GALNT18: variants seen among roughly 807,000 people sequenced by gnomAD.
GALNT18 encodes the protein polypeptide N-acetylgalactosaminyltransferase 18.
In GALNT18, 44 loss-of-function variants were observed where a neutral mutation model predicts 69.5. The ratio of observed to expected loss-of-function variants is 0.63; its 90% CI spans 0.50 to 0.81. GALNT18 has a LOEUF of 0.81. GALNT18 is among the 40% of genes least tolerant of loss of function. The pLI, the probability that GALNT18 is intolerant of heterozygous loss-of-function variation, is 0.00. For synonymous variants in GALNT18, 364 were observed against 318.2 expected (o/e 1.14, Z -1.53); for missense variants, 715 against 810.0 (o/e 0.88, Z 1.42).
intron 1 of GALNT18, among the ~76,000 whole-genome samples, chr11:11,450,259 G>A (rs1855762960): frequency 6.6e-6 from 1 of 152,210 alleles, no homozygotes; most frequent in African/African-American, 2.4e-5. Context: ...GTCAATGGGT[G>A]TATGACACAC....
intron 7 of GALNT18, among the ~76,000 whole-genome samples, chr11:11,333,041 G>A (rs1455543592): frequency 2.0e-5 from 3 of 151,564 alleles, no homozygotes; most frequent in South Asian, 2.1e-4. Flanking sequence ...CAGCATTGCC[G>A]GGCCTTGTCA....
chr11:11,392,538 G>C (rs1262156692), intron 3 of GALNT18, among the ~76,000 whole-genome samples: 1 of 152,202 alleles, frequency 6.6e-6, no homozygotes, highest in Non-Finnish European at 1.5e-5. Flanking sequence ...AGAATCGCTT[G>C]AACCCAGGAG....
At chr11:11,350,655 C>T (rs984498023) in intron 6 of GALNT18, among the ~76,000 whole-genome samples, 4 of 152,130 alleles carry the variant, frequency 2.6e-5, no homozygotes, top group Non-Finnish European at 5.9e-5. Context: ...GGGTGCAAAT[C>T]GATGAGATGA....
intron 1 of GALNT18, among the ~76,000 whole-genome samples, chr11:11,577,375 T>C (rs892018076): frequency 6.6e-6 from 1 of 152,166 alleles, no homozygotes; most frequent in African/African-American, 2.4e-5. Context: ...TGTCCAGCCC[T>C]GCTCCTGGGC....
chr11:11,599,811 T>C (rs767385947), intron 1 of GALNT18, among the ~76,000 whole-genome samples: 114 of 152,148 alleles, frequency 7.5e-4, no homozygotes, highest in Middle Eastern at 3.4e-3. Context: ...ATTTACAGTG[T>C]ATGATGTGAT....
intron 6 of GALNT18, among the ~76,000 whole-genome samples, chr11:11,364,890 C>A (rs1393303063): frequency 2.6e-5 from 4 of 152,142 alleles, no homozygotes; most frequent in African/African-American, 9.7e-5. Context: ...AAAGATGAAA[C>A]CAAATTGGCC....
chr11:11,490,644 G>A (rs777281751), intron 1 of GALNT18, among the ~76,000 whole-genome samples: 5 of 152,182 alleles, frequency 3.3e-5, no homozygotes, highest in Non-Finnish European at 5.9e-5. Context: ...GGCCAATGGT[G>A]TGACCAGAGT....
Position 11,270,947 on chromosome 11 carries a change from G to T in GALNT18, c.*197C>A. The T allele has an allele frequency of 2.1e-6, 1 of 479,194 alleles. No homozygotes were observed. Among genetic ancestry groups the T allele is most frequent in the East Asian group, 3.0e-5 (1 of 33,844 alleles). 29.7% of individuals were successfully genotyped at this position (479,194 alleles called of 1,614,324 possible). On this transcript the variant is annotated 3_prime_UTR_variant, in exon 11 of 11. Transcript: ENST00000227756. ...GTCCCCTATTTACAACTGCAAAATA[G>T]TTTGATATCATACCATCACCTACCA...
rs559228449 is a variant in GALNT18, at chr11:11,279,439, C to T, written c.1678-8149G>A. The stretch of plus-strand genomic sequence containing the variant: ...TATGACCCAACACTTCTATCAGAAA[C>T]GTTTATACCAAAAACATGCGCATGA... On this transcript the variant is annotated intron_variant, in intron 10 of 10. Coordinates refer to ENST00000227756, the MANE Select transcript of GALNT18 (RefSeq NM_198516.3). 3.3e-5 allele frequency among the ~76,000 whole-genome samples: 5 copies of T among 152,194 alleles called. No individual in the cohort carries two copies. In the East Asian group the frequency reaches 5.8e-4, roughly 18 times the overall value.
At chr11:11,317,748 A>T (rs911679330) in intron 9 of GALNT18, among the ~76,000 whole-genome samples, 7 of 152,116 alleles carry the variant, frequency 4.6e-5, no homozygotes, top group Admixed American at 2.6e-4. Context: ...CCACTTGTCA[A>T]TTTTTGTTTT....
chr11:11,610,233 A>G (rs1859861438), intron 1 of GALNT18, among the ~76,000 whole-genome samples: 1 of 152,228 alleles, frequency 6.6e-6, no homozygotes, highest in Non-Finnish European at 1.5e-5. Flanking sequence ...CTTGATCAAC[A>G]TTACTGGAGC....
Position 11,341,789 on chromosome 11 carries a change from C to T in GALNT18, c.1093-785G>A, listed in dbSNP as rs578194749. 3.9e-5 allele frequency among the ~76,000 whole-genome samples: 6 copies of T among 152,128 alleles called. No individual in the cohort carries two copies. The highest frequency in any genetic ancestry group is 2.1e-4 in the South Asian group (1 of 4,806). On this transcript the variant is annotated intron_variant, in intron 6 of 10. Transcript: ENST00000227756. The surrounding 1 kb of genome is among the most constrained non-coding windows in gnomAD (Gnocchi z 6.3). Reference sequence around the variant, plus strand: ...CTGGTAATTTTAGAATGCCCCACTGCCCCCAACTCCTTCTTCAGCTGAAAA... The same window carrying T: ...CTGGTAATTTTAGAATGCCCCACTGTCCCCAACTCCTTCTTCAGCTGAAAA...
intron 1 of GALNT18, among the ~76,000 whole-genome samples, chr11:11,528,411 G>C (rs1377789544): frequency 6.6e-6 from 1 of 152,210 alleles, no homozygotes; most frequent in Non-Finnish European, 1.5e-5. Context: ...GTGGGCAGGT[G>C]TAAGACAGTA....
chr11:11,352,764 GTGT>G, intron 6 of GALNT18: 1 of 1,614,182 alleles, frequency 6.2e-7, no homozygotes, highest in Non-Finnish European at 8.5e-7. Flanking sequence ...CTTGAAGTCT[GTGT>G]TGTTTACGTG....
At chr11:11,376,380 T>TCAAAAACAAAAA (rs78747646) in intron 5 of GALNT18, among the ~76,000 whole-genome samples, 83,477 of 150,976 alleles carry the variant, frequency 0.55, 23,642 homozygotes, top group Non-Finnish European at 0.61. Context: ...AGACTCCGTC[T>TCAAAAACAAAAA]CAAAAACAAA....
At chr11:11,576,785 T>C (rs981413787) in intron 1 of GALNT18, among the ~76,000 whole-genome samples, 2 of 152,244 alleles carry the variant, frequency 1.3e-5, no homozygotes, top group Non-Finnish European at 2.9e-5. Context: ...TGTGCTTTTA[T>C]AAACTGAACT....
At chr11:11,328,507 T>C (rs1849964406) in intron 8 of GALNT18, among the ~76,000 whole-genome samples, 1 of 152,142 alleles carries the variant, frequency 6.6e-6, no homozygotes, top group Non-Finnish European at 1.5e-5. Context: ...ATGGAGCCGA[T>C]AACCAGAGGC....
rs115954710 is a variant in GALNT18, at chr11:11,475,889, C to T, written c.236-26953G>A. ...TCCATAGAATTCCAACTGTGTAGAC[C>T]CTGACTCCAGTCTACACAGGATGAA... On this transcript the variant is annotated intron_variant, in intron 1 of 10. Coordinates refer to ENST00000227756, the MANE Select transcript of GALNT18 (RefSeq NM_198516.3). 259 of 152,222 alleles carry T rather than the reference C, an allele frequency of 1.7e-3. 1 individual carries two copies. Among genetic ancestry groups the T allele is most frequent in the African/African-American group, 6.0e-3 (248 of 41,520 alleles). The allele number at this position is 152,222 out of a possible 1,614,324, so 9.4% of individuals were successfully genotyped here.
intron 9 of GALNT18, among the ~76,000 whole-genome samples, chr11:11,326,254 C>T (rs1177616070): frequency 6.6e-6 from 1 of 152,042 alleles, no homozygotes; most frequent in African/African-American, 2.4e-5. Context: ...CCGTGTTAGC[C>T]AAGATGGTCT....
Sources: allele counts gnomAD v4.1 joint callset (sites outside exome capture counted in the v4.1 genomes callset), GRCh38; gene constraint gnomAD v4.1.1; non-coding constraint Gnocchi (gnomAD v3.1); transcripts MANE v1.5; gene names NCBI Gene and HGNC (gene_info 2026-07-23, HGNC 2026-07-21).